The following HMGCLL1 variants were observed in gnomAD, a reference collection of about 807,000 sequenced individuals.
HMGCLL1 encodes the protein 3-hydroxy-3-methylglutaryl-CoA lyase like 1, also known as 3-hydroxymethyl-3-methylglutaryl-CoA lyase, cytoplasmic.
In HMGCLL1, 36 loss-of-function variants were observed where a neutral mutation model predicts 39.1. That is an observed-to-expected ratio of 0.92 (90% CI 0.71 to 1.22). The LOEUF (loss-of-function observed/expected upper bound fraction) is 1.22. HMGCLL1 is among the 50% of genes most tolerant of loss of function. The pLI is 0.00. For missense variants in HMGCLL1, 451 were observed against 416.5 expected (o/e 1.08, Z -0.72); for synonymous variants, 149 against 144.0 (o/e 1.03, Z -0.25).
chr6:55,491,250 T>G (rs1484478039), intron 7 of HMGCLL1, among the ~76,000 whole-genome samples: 1 of 152,224 alleles, frequency 6.6e-6, no homozygotes, highest in African/African-American at 2.4e-5. Context: ...TTGGTAGCTT[T>G]TAAACATGGT....
At chr6:55,499,184 A>T in intron 6 of HMGCLL1, 52 bp downstream of exon 6, 1 of 1,407,040 alleles carries the variant, frequency 7.1e-7, no homozygotes, top group Non-Finnish European at 9.8e-7. Flanking sequence ...CCCTTTTAAA[A>T]ATAATATATA....
intron 1 of HMGCLL1, among the ~76,000 whole-genome samples, chr6:55,542,871 T>A (rs1287346548): frequency 5.1e-5 from 7 of 136,192 alleles, no homozygotes; most frequent in South Asian, 2.2e-4. Flanking sequence ...TTATATATTT[T>A]TATATTTTTA....
At chr6:55,530,240 G>C (rs928897087) in intron 3 of HMGCLL1, among the ~76,000 whole-genome samples, 1 of 152,088 alleles carries the variant, frequency 6.6e-6, no homozygotes, top group Non-Finnish European at 1.5e-5. Flanking sequence ...GAAGTAAGTA[G>C]TATTAGTGCT....
intron 3 of HMGCLL1, among the ~76,000 whole-genome samples, chr6:55,520,004 A>C (rs1336906578): frequency 1.3e-5 from 2 of 150,546 alleles, no homozygotes; most frequent in African/African-American, 4.9e-5. Flanking sequence ...AGATCAAGAA[A>C]ACCAAACACC....
chr6:55,676,529 C>T, the HMGCLL1 span, among the ~76,000 whole-genome samples: 1 of 152,092 alleles, frequency 6.6e-6, no homozygotes, highest in Non-Finnish European at 1.5e-5. Context: ...TTCCTCACCC[C>T]TTCTCCATGG....
chr6:55,477,587 AG>A (rs1440394043), intron 7 of HMGCLL1, among the ~76,000 whole-genome samples: 1 of 138,504 alleles, frequency 7.2e-6, no homozygotes, highest in African/African-American at 2.8e-5. Context: ...AATAGTAAAA[AG>A]TACCGGATGC....
At chr6:55,501,292 C>A (rs1372219588) in intron 5 of HMGCLL1, among the ~76,000 whole-genome samples, 1 of 151,862 alleles carries the variant, frequency 6.6e-6, no homozygotes, top group African/African-American at 2.4e-5. Context: ...GAGACCAAAT[C>A]CTGCCTATTA....
At chr6:55,485,977 A>G (rs1766005901) in intron 7 of HMGCLL1, among the ~76,000 whole-genome samples, 1 of 151,470 alleles carries the variant, frequency 6.6e-6, no homozygotes, top group Non-Finnish European at 1.5e-5. Context: ...CATTAAAATT[A>G]TATTAAAATA....
intron 7 of HMGCLL1, among the ~76,000 whole-genome samples, chr6:55,445,329 T>G (rs9396094): frequency 0.3 from 45,758 of 151,642 alleles, 7,266 homozygotes; most frequent in African/African-American, 0.42. Flanking sequence ...AAGAAAATTT[T>G]ATTTCACTAT....
At position 55,543,162 on chromosome 6, in the gene HMGCLL1, T is replaced by C. The variant is rs1205042163; in HGVS notation, c.109-1022A>G. 4.5e-3 allele frequency among the ~76,000 whole-genome samples: 29 copies of C among 6,406 alleles called. 3 individuals carry two copies. Among genetic ancestry groups the C allele is most frequent in the African/African-American group, 9.7e-3 (29 of 2,982 alleles). The allele number at this position is 6,406 out of a possible 152,430, so 4.2% of individuals were successfully genotyped here. On this transcript the variant is annotated intron_variant, in intron 1 of 8. Coordinates refer to ENST00000274901, the MANE Select transcript of HMGCLL1 (RefSeq NM_001042406.2). ...TATATTATATATTATATATATTATA[T>C]ATATAATATATAATATATAATATAT...
intron 5 of HMGCLL1, among the ~76,000 whole-genome samples, chr6:55,509,541 T>C (rs955583095): frequency 6.6e-6 from 1 of 151,868 alleles, no homozygotes; most frequent in Non-Finnish European, 1.5e-5. Context: ...ATTCAGCAAG[T>C]AGGTTGCAAG....
intron 7 of HMGCLL1, among the ~76,000 whole-genome samples, chr6:55,480,297 C>A (rs948516801): frequency 9.3e-5 from 14 of 151,290 alleles, no homozygotes; most frequent in African/African-American, 3.2e-4. Context: ...AATAATCCGA[C>A]CAAAAATGGA....
the HMGCLL1 span, among the ~76,000 whole-genome samples, chr6:55,640,821 G>GTTTA: frequency 2.4e-3 from 358 of 151,692 alleles, 3 homozygotes; most frequent in Non-Finnish European, 4.3e-3. Context: ...ATGAACTAAA[G>GTTTA]TTTATCTTTC....
chr6:55,600,552 T>C, the HMGCLL1 span, among the ~76,000 whole-genome samples: 3 of 152,148 alleles, frequency 2.0e-5, no homozygotes, highest in Admixed American at 6.6e-5. Context: ...TATTACAGCA[T>C]GAAAACACGT....
chr6:55,509,593 G>C (rs562044525), intron 5 of HMGCLL1, among the ~76,000 whole-genome samples: 2 of 151,904 alleles, frequency 1.3e-5, no homozygotes, highest in South Asian at 4.2e-4. Flanking sequence ...TCTCTCAAAG[G>C]GGGAAACAAC....
At chr6:55,657,953 TG>T in the HMGCLL1 span, among the ~76,000 whole-genome samples, 2 of 151,736 alleles carry the variant, frequency 1.3e-5, no homozygotes, top group Non-Finnish European at 2.9e-5. Flanking sequence ...AAATAACTAA[TG>T]GGTACTAGGC....
chr6:55,624,502 A>G, the HMGCLL1 span, among the ~76,000 whole-genome samples: 1 of 152,308 alleles, frequency 6.6e-6, no homozygotes, highest in South Asian at 2.1e-4. Flanking sequence ...CCACAGGGGT[A>G]TATCATCTCT....
intron 5 of HMGCLL1, among the ~76,000 whole-genome samples, chr6:55,509,956 T>C (rs556270929): frequency 5.9e-4 from 89 of 152,090 alleles, no homozygotes; most frequent in African/African-American, 1.9e-3. Context: ...GCACATTTTA[T>C]TTAAAAAATT....
At chr6:55,539,596 T>C (rs1354711337) in intron 3 of HMGCLL1, among the ~76,000 whole-genome samples, 2 of 151,230 alleles carry the variant, frequency 1.3e-5, no homozygotes, top group Non-Finnish European at 2.9e-5. Flanking sequence ...TTAACTAACA[T>C]AGGAATAGAA....
Sources: gnomAD v4.1 joint callset for allele counts (sites outside exome capture counted in the v4.1 genomes callset) on GRCh38, gnomAD v4.1.1 for gene constraint, MANE v1.5 for transcripts, NCBI Gene and HGNC (gene_info 2026-07-23, HGNC 2026-07-21) for gene names.